Variants in CCN4 observed in about 807,000 individuals in gnomAD.
The protein encoded by CCN4 is CCN family member 4.
A neutral mutation model predicts 36.7 loss-of-function variants in CCN4; 30 were observed. The observed-to-expected ratio is 0.82, with a 90% CI of 0.61 to 1.11. The LOEUF is 1.11. Ranked by LOEUF, CCN4 falls within the 50% of genes least tolerant of loss-of-function variation. The pLI, the probability that CCN4 is intolerant of heterozygous loss-of-function variation, is 0.00. For missense variants in CCN4, 505 were observed against 504.9 expected, an observed-to-expected ratio of 1.00 and a Z score of 0.00; for synonymous variants, 191 against 195.4, an observed-to-expected ratio of 0.98 and a Z score of 0.19.
chr8:133,196,387 C>T (rs1853384187), intron 1 of CCN4, among the ~76,000 whole-genome samples: 1 of 152,218 alleles, frequency 6.6e-6, no homozygotes, highest in Admixed American at 6.5e-5. Context: ...TTTATATTAA[C>T]TCCATATTGA....
intron 2 of CCN4, among the ~76,000 whole-genome samples, chr8:133,216,051 C>T (rs1854310443): frequency 6.6e-6 from 1 of 152,128 alleles, no homozygotes; most frequent in Non-Finnish European, 1.5e-5. Context: ...TATGTGCCCA[C>T]ACATGCACAA....
intron 1 of CCN4, among the ~76,000 whole-genome samples, chr8:133,196,433 A>C (rs570587570): frequency 1.3e-5 from 2 of 152,232 alleles, no homozygotes; most frequent in Non-Finnish European, 2.9e-5. Context: ...GTTAAACACA[A>C]TCTATTATTC....
At chr8:133,192,695 G>C (rs2130510071) in intron 1 of CCN4, among the ~76,000 whole-genome samples, 1 of 152,310 alleles carries the variant, frequency 6.6e-6, no homozygotes, top group South Asian at 2.1e-4. Flanking sequence ...AGGTTGCTAT[G>C]TCTGGGAGGG....
At chr8:133,200,459 G>A (rs539973496) in intron 1 of CCN4, among the ~76,000 whole-genome samples, 2 of 152,166 alleles carry the variant, frequency 1.3e-5, no homozygotes, top group African/African-American at 2.4e-5. Context: ...GTCTGTGTTC[G>A]CTGTGGCTCC....
intron 2 of CCN4, among the ~76,000 whole-genome samples, chr8:133,214,991 T>G (rs1319991976): frequency 1.3e-5 from 2 of 152,354 alleles, no homozygotes; most frequent in Middle Eastern, 3.4e-3. Context: ...TCTTTTATCA[T>G]TGGTTCATGC....
chr8:133,213,281 G>A, intron 2 of CCN4, 138 bp downstream of exon 2: 1 of 1,098,578 alleles, frequency 9.1e-7, no homozygotes, highest in Non-Finnish European at 1.3e-6. Context: ...CATGATCAGA[G>A]GCCAGAGGCT....
chr8:133,206,067 C>T (rs1003449411), intron 1 of CCN4, among the ~76,000 whole-genome samples: 1 of 152,164 alleles, frequency 6.6e-6, no homozygotes, highest in African/African-American at 2.4e-5. Context: ...ACCACAGGTG[C>T]GGCATGGGAG....
Position 133,209,146 on chromosome 8 carries a change from A to G in CCN4, c.70-3718A>G, listed in dbSNP as rs1164459595. ...TCCCCAGCTAAACTGTCAGTGCTGG[A>G]GGGCGGAAACCGCCCTTGCGCCAGT... is the stretch of plus-strand genomic sequence containing the variant. On this transcript the variant is annotated intron_variant, in intron 1 of 4. Transcript: ENST00000250160. 2.6e-5 allele frequency among the ~76,000 whole-genome samples: 4 copies of G among 152,162 alleles called. No homozygotes were observed. The East Asian group carries it at 7.7e-4, about 29-fold the overall frequency.
intron 1 of CCN4, among the ~76,000 whole-genome samples, chr8:133,199,214 G>T (rs913554267): frequency 5.3e-5 from 8 of 152,236 alleles, no homozygotes; most frequent in African/African-American, 7.2e-5. Flanking sequence ...GGAGACTGGG[G>T]TCTCTGCAGG....
At chr8:133,218,346 C>T (rs1186890481) in intron 2 of CCN4, among the ~76,000 whole-genome samples, 1 of 152,082 alleles carries the variant, frequency 6.6e-6, no homozygotes, top group East Asian at 1.9e-4. Context: ...GATAACCGCA[C>T]CCCAAAAAAA....
At chr8:133,194,684 G>GGT (rs1256809934) in intron 1 of CCN4, among the ~76,000 whole-genome samples, 10 of 87,746 alleles carry the variant, frequency 1.1e-4, no homozygotes, top group Non-Finnish European at 2.3e-5. Flanking sequence ...GTGTGTGTGT[G>GGT]GTGTGTGTGT....
At chr8:133,216,232 C>A (rs1270026814) in intron 2 of CCN4, among the ~76,000 whole-genome samples, 13 of 152,296 alleles carry the variant, frequency 8.5e-5, no homozygotes, top group African/African-American at 2.2e-4. Flanking sequence ...AATCTTTCCA[C>A]AAATGGTCAG....
chr8:133,195,414 G>T (rs973206754), intron 1 of CCN4, among the ~76,000 whole-genome samples: 14 of 151,908 alleles, frequency 9.2e-5, no homozygotes. Flanking sequence ...TCAAGTGTAT[G>T]GCAAAATATC....
rs922475853 is a variant in CCN4, at chr8:133,212,890, G to A, written c.96G>A (p.Met32Ile). ...ATALSPAPTT[M>I]DFTPAPLEDT... ...CCCTCTCTCCAGCCCCTACGACCAT[G>A]GACTTTACCCCAGCTCCACTGGAGG... Residue 32 changes from methionine to isoleucine, a missense_variant, in exon 2 of 5, where the codon ATG becomes ATA. Physicochemically the swap from Met to Ile is conservative, Grantham distance 10. Coordinates refer to ENST00000250160, the MANE Select transcript of CCN4 (RefSeq NM_003882.4). 9.3e-6 allele frequency: 15 copies of A among 1,605,024 alleles called. No homozygotes were observed. The African/African-American group carries it at 1.5e-4, about 16-fold the overall frequency.
chr8:133,203,111 G>C (rs1853647933), intron 1 of CCN4, among the ~76,000 whole-genome samples: 1 of 152,206 alleles, frequency 6.6e-6, no homozygotes, highest in African/African-American at 2.4e-5. Context: ...CTCCGAAACA[G>C]GGCAAGCCAA....
intron 1 of CCN4, among the ~76,000 whole-genome samples, chr8:133,207,902 G>A (rs1444853974): frequency 6.6e-6 from 1 of 151,966 alleles, no homozygotes; most frequent in Non-Finnish European, 1.5e-5. Context: ...GGCTTTGTGA[G>A]GCTTGATGTC....
Position 133,212,968 on chromosome 8 carries a change from C to A in CCN4, c.174C>A (p.Ser58=), listed in dbSNP as rs781339241. The part of the protein sequence containing the change: ...FCKWPCECPP[S]PPRCPLGVSL... The stretch of plus-strand genomic sequence containing the variant: ...AGTGGCCATGTGAGTGCCCGCCATC[C>A]CCACCCCGCTGCCCGCTGGGGGTCA... The change falls in exon 2 of 5, where the codon TCC becomes TCA. Residue 58 remains serine (S), a synonymous_variant. Transcript: ENST00000250160. The A allele has an allele frequency of 3.7e-5, 60 of 1,613,990 alleles. No individual in the cohort carries two copies. The highest frequency in any genetic ancestry group is 1.0e-4 in the Admixed American group (6 of 60,002).
rs147194671 is a variant in CCN4, at chr8:133,219,969, G to A, written c.350-612G>A. Among the ~76,000 whole-genome samples, 1,331 of 152,224 alleles carry A rather than the reference G, an allele frequency of 8.7e-3. 10 individuals are homozygous for A. Among genetic ancestry groups the A allele is most frequent in the Non-Finnish European group, 0.012 (799 of 68,020 alleles). On this transcript the variant is annotated intron_variant, in intron 2 of 4. Transcript: ENST00000250160. The stretch of plus-strand genomic sequence containing the variant: ...ACATTTTTTTCTAAACAGGGAAAGG[G>A]TTATTAATAAATTTGCAACTGTCTC...
intron 3 of CCN4, among the ~76,000 whole-genome samples, chr8:133,221,692 G>T (rs990225638): frequency 9.9e-5 from 15 of 151,710 alleles, no homozygotes; most frequent in Non-Finnish European, 1.8e-4. Flanking sequence ...TGAGTAGATG[G>T]GTGGATAGAT....
Sources: allele counts gnomAD v4.1 joint callset (sites outside exome capture counted in the v4.1 genomes callset), GRCh38; gene constraint gnomAD v4.1.1; transcripts MANE v1.5; gene names NCBI Gene and HGNC (gene_info 2026-07-23, HGNC 2026-07-21).